Variants in TRIM33 observed in about 807,000 individuals in gnomAD.
The protein encoded by TRIM33 is tripartite motif containing 33.
TRIM33 carries 20 observed loss-of-function variants against 125.4 expected under a neutral mutation model. That is an observed-to-expected ratio of 0.16 (90% CI 0.11 to 0.23). The LOEUF (loss-of-function observed/expected upper bound fraction) is 0.23. Ranked by LOEUF, TRIM33 falls within the 10% of genes least tolerant of loss-of-function variation. The pLI is 1.00. For missense variants in TRIM33, 920 were observed against 1,411.4 expected (o/e 0.65, Z 5.58); for synonymous variants, 564 against 513.9 (o/e 1.10, Z -1.32).
chr1:114,438,137 T>C (rs894217832), intron 4 of TRIM33, among the ~76,000 whole-genome samples: 1 of 152,178 alleles, frequency 6.6e-6, no homozygotes, highest in Admixed American at 6.5e-5. Flanking sequence ...GAATGTACAT[T>C]ATGGTCTTAC....
At chr1:114,509,382 A>G (rs1047100204) in intron 1 of TRIM33, among the ~76,000 whole-genome samples, 2 of 152,234 alleles carry the variant, frequency 1.3e-5, no homozygotes, top group African/African-American at 2.4e-5. Flanking sequence ...CATTAGCGTG[A>G]CATTCACGTG....
chr1:114,444,975 G>A (rs1277482977), intron 4 of TRIM33, among the ~76,000 whole-genome samples: 4 of 152,130 alleles, frequency 2.6e-5, no homozygotes, highest in Non-Finnish European at 5.9e-5. Context: ...TCAACAGATA[G>A]ATGGAAACTA....
At chr1:114,398,926 C>CA (rs1180481736) in intron 18 of TRIM33, among the ~76,000 whole-genome samples, 3,306 of 119,162 alleles carry the variant, frequency 0.028, 142 homozygotes, top group African/African-American at 0.099. Flanking sequence ...CAAAACAAAA[C>CA]AAAACAAAAA....
intron 1 of TRIM33, among the ~76,000 whole-genome samples, chr1:114,464,796 T>TG (rs890685422): frequency 1.3e-5 from 2 of 152,028 alleles, no homozygotes; most frequent in African/African-American, 4.8e-5. Context: ...AAGAGGAAGG[T>TG]AAGACTACAG....
intron 1 of TRIM33, among the ~76,000 whole-genome samples, chr1:114,501,995 C>G (rs1652746861): frequency 6.6e-6 from 1 of 151,868 alleles, no homozygotes; most frequent in South Asian, 2.1e-4. Context: ...AATTTGTGGC[C>G]AAAGAAGAGA....
chr1:114,424,898 T>C, intron 9 of TRIM33, 143 bp from the exon 10 acceptor site: 1 of 583,686 alleles, frequency 1.7e-6, no homozygotes, highest in South Asian at 3.8e-5. Flanking sequence ...CTAGCCCCAA[T>C]CCCCAGAGGA....
At chr1:114,462,926 A>G (rs962808229) in intron 4 of TRIM33, among the ~76,000 whole-genome samples, 178 bp downstream of exon 4, 5 of 152,230 alleles carry the variant, frequency 3.3e-5, no homozygotes, top group Admixed American at 2.0e-4. Context: ...TTAGATTTAA[A>G]TGTGGAAATC....
At chr1:114,491,634 C>A (rs1232446252) in intron 1 of TRIM33, among the ~76,000 whole-genome samples, 2 of 152,106 alleles carry the variant, frequency 1.3e-5, no homozygotes, top group African/African-American at 4.8e-5. Context: ...GAAACCCAGT[C>A]TTTACAAAAA....
At chr1:114,398,538 G>C (rs917866179) in intron 18 of TRIM33, among the ~76,000 whole-genome samples, 1 of 152,072 alleles carries the variant, frequency 6.6e-6, no homozygotes, top group African/African-American at 2.4e-5. Flanking sequence ...AATATACTCT[G>C]TGCCATACTG....
Position 114,393,619 on chromosome 1 carries a change from G to C in TRIM33, c.*4029C>G, listed in dbSNP as rs1651396088. 1 of 212,144 alleles carries C rather than the reference G, an allele frequency of 4.7e-6. No individual in the cohort carries two copies. The highest frequency in any genetic ancestry group is 2.3e-5 in the African/African-American group (1 of 44,100). The allele number at this position is 212,144 out of a possible 1,614,324, so 13.1% of individuals were successfully genotyped here. A position where few individuals can be genotyped will look rare whatever the true frequency, so the allele number is the denominator to read the frequency against. On this transcript the variant is annotated 3_prime_UTR_variant, in exon 20 of 20. Transcript: ENST00000358465. ...AAAGGACCACATAGGCAAACACAAG[G>C]AACTAAGATGAAAGAAATGCTATAC...
At chr1:114,440,067 T>C (rs895903712) in intron 4 of TRIM33, among the ~76,000 whole-genome samples, 2 of 152,178 alleles carry the variant, frequency 1.3e-5, no homozygotes, top group Non-Finnish European at 2.9e-5. Context: ...AAAAGTGTTA[T>C]GACCTTAACA....
intron 18 of TRIM33, among the ~76,000 whole-genome samples, chr1:114,398,609 A>C (rs1422544295): frequency 6.6e-6 from 1 of 152,114 alleles, no homozygotes. Context: ...TGATTTTAAA[A>C]TGCCATCTGG....
chr1:114,509,534 C>A (rs943671671), intron 1 of TRIM33, among the ~76,000 whole-genome samples: 6 of 152,208 alleles, frequency 3.9e-5, no homozygotes. Context: ...GTTTAAGAGA[C>A]TGTGAAACCT....
Position 114,511,198 on chromosome 1 carries a change from C to G in TRIM33, c.-122G>C. 6.3e-6 allele frequency: 6 copies of G among 953,128 alleles called. No homozygotes were observed. Among genetic ancestry groups the G allele is most frequent in the Non-Finnish European group, 7.6e-6 (6 of 788,332 alleles). 59.0% of individuals were successfully genotyped at this position (953,128 alleles called of 1,614,324 possible). ...CGGCAGCCGAGAGCTAGCGAGAGAGCGAACCAACGAGAGCGCGCGCGCACG... is the reference window on the plus strand; with the variant it reads ...CGGCAGCCGAGAGCTAGCGAGAGAGGGAACCAACGAGAGCGCGCGCGCACG... On this transcript the variant is annotated 5_prime_UTR_variant, in exon 1 of 20. Coordinates refer to ENST00000358465, the MANE Select transcript of TRIM33 (RefSeq NM_015906.4).
At chr1:114,437,030 C>G (rs1030825699) in intron 4 of TRIM33, among the ~76,000 whole-genome samples, 5 of 152,130 alleles carry the variant, frequency 3.3e-5, no homozygotes, top group African/African-American at 1.2e-4. Flanking sequence ...GAAAGGTTAA[C>G]TAGTATCAAA....
Position 114,427,825 on chromosome 1 carries a change from C to T in TRIM33, c.1225G>A (p.Val409Met). Reference protein sequence around the residue: ...QNDITGLSRQVKHVMNFTNWA... With the variant: ...QNDITGLSRQMKHVMNFTNWA... The stretch of plus-strand genomic sequence containing the variant: ...TTTGTGAAGTTCATAACATGCTTCA[C>T]CTGCCGGGAAAGGCCTGTGATGTCA... The change falls in exon 7 of 20, where the codon GTG (valine) becomes ATG (methionine). Residue 409 changes from valine (V) to methionine (M), a missense_variant. Transcript: ENST00000358465. 6.2e-7 allele frequency: 1 copy of T among 1,614,108 alleles called. No homozygotes were observed. Among genetic ancestry groups the T allele is most frequent in the Non-Finnish European group, 8.5e-7 (1 of 1,179,994 alleles).
rs1223443648 is a variant in TRIM33, at chr1:114,421,654, A to C, written c.1861-18T>G. 6.2e-7 allele frequency: 1 copy of C among 1,612,080 alleles called. No homozygotes were observed. The highest frequency in any genetic ancestry group is 8.5e-7 in the Non-Finnish European group (1 of 1,178,142). Reference sequence around the variant, plus strand: ...TTTGAGTGCTAATAAGAAAGAAGACATTATCATTACTTGATCTGCCAGAAT... The same window carrying C: ...TTTGAGTGCTAATAAGAAAGAAGACCTTATCATTACTTGATCTGCCAGAAT... On this transcript the variant is annotated intron_variant, in intron 10 of 19. Transcript: ENST00000358465.
intron 17 of TRIM33, 74 bp from the exon 18 acceptor site, chr1:114,399,683 T>A (rs1328700161): frequency 2.3e-6 from 3 of 1,288,144 alleles, no homozygotes; most frequent in Non-Finnish European, 3.2e-6. Flanking sequence ...ATGCATAGCA[T>A]ATTAATTTTA....
chr1:114,508,891 A>C (rs1653164830), intron 1 of TRIM33, among the ~76,000 whole-genome samples: 1 of 152,184 alleles, frequency 6.6e-6, no homozygotes, highest in South Asian at 2.1e-4. Flanking sequence ...CCATTTCACA[A>C]ATGAGAAAAC....
Sources: allele counts gnomAD v4.1 joint callset (sites outside exome capture counted in the v4.1 genomes callset), GRCh38; gene constraint gnomAD v4.1.1; transcripts MANE v1.5; gene names NCBI Gene and HGNC (gene_info 2026-07-23, HGNC 2026-07-21).